Variants in SNAPC4 observed in about 807,000 individuals in gnomAD.
SNAPC4 encodes small nuclear RNA activating complex polypeptide 4.
Under a neutral mutation model 151.3 loss-of-function variants are expected in SNAPC4, and 127 were observed. The ratio of observed to expected loss-of-function variants is 0.84; its 90% CI spans 0.73 to 0.97. The LOEUF (loss-of-function observed/expected upper bound fraction) is 0.97. Ranked by LOEUF, SNAPC4 falls within the 50% of genes least tolerant of loss-of-function variation. The pLI, the probability that SNAPC4 is intolerant of heterozygous loss-of-function variation, is 0.00. For missense variants in SNAPC4, 2,186 were observed against 1,935.0 expected (o/e 1.13, Z -2.43); for synonymous variants, 1,002 against 824.4 (o/e 1.22, Z -3.69).
rs769279388 is a variant in SNAPC4 at position 136,398,456 on chromosome 9, C to T, written c.-9-19G>A. 1 of 1,605,720 alleles carries T rather than the reference C, an allele frequency of 6.2e-7. No individual in the cohort carries two copies. The highest frequency in any genetic ancestry group is 1.3e-5 in the African/African-American group (1 of 74,860). ...CTCCCGCCTGCCTCCAAAACACACC[C>T]CGAGATGTTAGAAACCAAGACCGTG... On this transcript the variant is annotated intron_variant, in intron 1 of 23. Transcript: ENST00000684778.
At chr9:136,392,245 T>C (rs1035797810) in intron 9 of SNAPC4, 139 bp from the exon 10 acceptor site, 17 of 1,101,316 alleles carry the variant, frequency 1.5e-5, no homozygotes, top group Non-Finnish European at 2.3e-5. Context: ...TCCAACTCAC[T>C]AGGCCTTGCA....
intron 19 of SNAPC4, among the ~76,000 whole-genome samples, chr9:136,381,065 G>A (rs901043907): frequency 2.6e-5 from 4 of 152,086 alleles, no homozygotes; most frequent in Admixed American, 6.5e-5. Context: ...CTCCTCCCCC[G>A]GCATCTTCCA....
chr9:136,383,322 G>A lies in SNAPC4; in HGVS notation c.1847C>T (p.Thr616Ile), dbSNP rs202221117. 33 of 1,611,722 alleles carry A rather than the reference G, an allele frequency of 2.0e-5. No individual in the cohort carries two copies. Among genetic ancestry groups the A allele is most frequent in the Admixed American group, 8.3e-5 (5 of 59,908 alleles). Residue 616 changes from threonine to isoleucine, a missense_variant, in exon 16 of 24, where the codon ACC becomes ATC. Coordinates refer to ENST00000684778, the MANE Select transcript of SNAPC4 (RefSeq NM_003086.4). This position sits in a 1 kb window ranked among gnomAD's most constrained non-coding sequence, Gnocchi z 4.2. ...CTCCTCTCCAGGAGCCGCGGCTGTG[G>A]TGGAAGCTTCCTTGCTGCCGCCCTG... ...ASQGGSKEAS[T>I]TAAAPGEETS...
At position 136,387,486 on chromosome 9, in the gene SNAPC4, G is replaced by A. The variant is rs762607492; in HGVS notation, c.1324C>T (p.Arg442Trp). Residue 442 changes from arginine to tryptophan, a missense_variant and splice_region_variant, in exon 13 of 24, where the codon CGG becomes TGG. Arg to Trp is a moderately radical substitution (Grantham distance 101). Coordinates refer to ENST00000684778, the MANE Select transcript of SNAPC4 (RefSeq NM_003086.4). ...PGRSDAQCRD[R>W]YLRRLHFSLK... is the part of the protein sequence containing the mutation. ...CTCGCTCAGCGCTGTGCGACTCACCGATCTCGGCACTGGGCATCGCTCCTA... is the reference window on the plus strand; with the variant it reads ...CTCGCTCAGCGCTGTGCGACTCACCAATCTCGGCACTGGGCATCGCTCCTA... 19 of 1,606,908 alleles carry A rather than the reference G, an allele frequency of 1.2e-5. No homozygotes were observed. The highest frequency in any genetic ancestry group is 4.5e-5 in the East Asian group (2 of 44,834).
At chr9:136,399,968 G>C (rs1422623893) in intron 1 of SNAPC4, among the ~76,000 whole-genome samples, 166 bp downstream of exon 1, 1 of 152,062 alleles carries the variant, frequency 6.6e-6, no homozygotes, top group East Asian at 1.9e-4. Context: ...GCCCAGGCTC[G>C]GCCGGACGGG....
rs781201093 is a variant in SNAPC4, at chr9:136,383,446, C to G, written c.1723G>C (p.Ala575Pro). ...MVPDMDLWVP[A>P]RQSTSQPWRG... The stretch of plus-strand genomic sequence containing the variant: ...CATGGCTGGCTGGTGCTCTGCCTGG[C>G]AGGAACCCACAGGTCCATGTCCGGG... Residue 575 changes from alanine to proline, a missense_variant, in exon 16 of 24, where the codon GCC becomes CCC. Ala to Pro is a conservative substitution (Grantham distance 27). Coordinates refer to ENST00000684778, the MANE Select transcript of SNAPC4 (RefSeq NM_003086.4). This position sits in a 1 kb window ranked among gnomAD's most constrained non-coding sequence, Gnocchi z 4.2. 5.8e-6 allele frequency: 9 copies of G among 1,561,434 alleles called. No individual in the cohort carries two copies. The South Asian group carries it at 1.0e-4, about 18-fold the overall frequency.
In SNAPC4 at chr9:136,377,854, C is replaced by G. The variant is rs1833513938; in HGVS notation, c.3973G>C (p.Glu1325Gln). 6.2e-7 allele frequency: 1 copy of G among 1,611,404 alleles called. No homozygotes were observed. The highest frequency in any genetic ancestry group is 1.1e-5 in the South Asian group (1 of 91,088). Reference protein sequence around the residue: ...SGLLLHKKALEHKATSLVVGG... With the variant: ...SGLLLHKKALQHKATSLVVGG... Reference sequence around the variant, plus strand: ...ACCACCAGGGAGGTGGCCTTGTGCTCCAGGGCCTTCTTGTGGAGTAGGAGA... The same window carrying G: ...ACCACCAGGGAGGTGGCCTTGTGCTGCAGGGCCTTCTTGTGGAGTAGGAGA... Residue 1325 changes from glutamate (E) to glutamine (Q), a missense_variant, in exon 22 of 24, where the codon GAG becomes CAG. Transcript: ENST00000684778.
Position 136,387,811 on chromosome 9 carries a change from C to G in SNAPC4, c.1161G>C (p.Leu387=). The part of the protein sequence containing the change: ...YYMEGRDSMQ[L]IYRWTKSLDP... ...CCAAGCTCTTGGTCCATCGGTAGATCAGCTGCATGGAGTCTCTCCCTTCCA... is the reference window on the plus strand; with the variant it reads ...CCAAGCTCTTGGTCCATCGGTAGATGAGCTGCATGGAGTCTCTCCCTTCCA... Residue 387 remains leucine (L), a synonymous_variant, in exon 12 of 24, where the codon CTG becomes CTC. Transcript: ENST00000684778. 1 of 1,612,238 alleles carries G rather than the reference C, an allele frequency of 6.2e-7. No individual in the cohort carries two copies. Among genetic ancestry groups the G allele is most frequent in the Non-Finnish European group, 8.5e-7 (1 of 1,178,460 alleles).
In SNAPC4 at chr9:136,394,060, G is replaced by A. The variant is rs571710090; in HGVS notation, c.632+189C>T. On this transcript the variant is annotated intron_variant, in intron 7 of 23. Transcript: ENST00000684778. ...AGCCTCCCGAGTAGCTGGGACCACA[G>A]GTGTGCACCACCACACCCAGCTAAT... 3.3e-5 allele frequency among the ~76,000 whole-genome samples: 5 copies of A among 152,336 alleles called. No homozygotes were observed. In the East Asian group the frequency reaches 9.6e-4, roughly 29 times the overall value.
chr9:136,392,028 A>C lies in SNAPC4; in HGVS notation c.889T>G (p.Trp297Gly), dbSNP rs148872349. 1 of 1,611,046 alleles carries C rather than the reference A, an allele frequency of 6.2e-7. No homozygotes were observed. Among genetic ancestry groups the C allele is most frequent in the Non-Finnish European group, 8.5e-7 (1 of 1,179,742 alleles). ...SEHPSINKQEWSREEEERLQA... is the reference protein window; with the variant it reads ...SEHPSINKQEGSREEEERLQA... ...AGCCGCTCCTCCTCCTCCCTGCTCC[A>C]CTCCTGCTTGTTGATGCTGGGGTGC... Residue 297 changes from tryptophan (W) to glycine (G), a missense_variant, in exon 10 of 24, where the codon TGG (tryptophan) becomes GGG (glycine). Coordinates refer to ENST00000684778, the MANE Select transcript of SNAPC4 (RefSeq NM_003086.4).
rs1451395590 is a variant in SNAPC4 at position 136,382,308 on chromosome 9, A to G, written c.2012T>C (p.Val671Ala). ...CCTGAGCACCCTCAGCACGGTCTCC[A>G]CAGGCACTGTCAGCAGACGCCTCCC... The part of the protein sequence containing the change: ...EGGRRLLTVP[V>A]ETVLRVLRAN... The change falls in exon 17 of 24, where the codon GTG (valine) becomes GCG (alanine). Residue 671 changes from valine (V) to alanine (A), a missense_variant. Transcript: ENST00000684778. The G allele has an allele frequency of 5.6e-6, 9 of 1,613,024 alleles. No individual in the cohort carries two copies. The highest frequency in any genetic ancestry group is 7.6e-6 in the Non-Finnish European group (9 of 1,179,958).
At chr9:136,392,848 T>A in intron 7 of SNAPC4, 71 bp from the exon 8 acceptor site, 1 of 1,237,472 alleles carries the variant, frequency 8.1e-7, no homozygotes, top group Non-Finnish European at 1.2e-6. Flanking sequence ...CTCTGCACAT[T>A]ACAGGGCAAG....
rs754808572 is a variant in SNAPC4, at chr9:136,379,875, AAG to A, written c.2500-13_2500-12del. ...GGCACTTGAGGATGCCTGGAAATGA[AAG>A]AGAGGAGAGTCAGCAGCTCAGGTGT... On this transcript the variant is annotated splice_polypyrimidine_tract_variant and intron_variant, in intron 20 of 23. Transcript: ENST00000684778. The A allele has an allele frequency of 2.2e-5, 35 of 1,612,136 alleles. No individual in the cohort carries two copies. The Admixed American group carries it at 3.8e-4, about 18-fold the overall frequency.
intron 2 of SNAPC4, among the ~76,000 whole-genome samples, chr9:136,397,298 T>C (rs571397999): frequency 6.6e-5 from 10 of 152,220 alleles, no homozygotes; most frequent in Admixed American, 4.6e-4. Flanking sequence ...GCACAAGCTA[T>C]CTTTACTGGA....
rs1833597803 is a variant in SNAPC4 at position 136,379,204 on chromosome 9, G to C, written c.2623C>G (p.Leu875Val). Reference sequence around the variant, plus strand: ...GAAGCCAGCAGGGACGCCTGGGGTAGGGTGCGCTCCACCCGGCTGGACGCC... The same window carrying C: ...GAAGCCAGCAGGGACGCCTGGGGTACGGTGCGCTCCACCCGGCTGGACGCC... ...RLASSRVERT[L>V]PQASLLASTG... Residue 875 changes from leucine to valine, a missense_variant, in exon 22 of 24, where the codon CTA becomes GTA. Physicochemically the swap from Leu to Val is conservative, Grantham distance 32. Transcript: ENST00000684778. 4.3e-6 allele frequency: 7 copies of C among 1,609,770 alleles called. No individual in the cohort carries two copies. The highest frequency in any genetic ancestry group is 5.1e-6 in the Non-Finnish European group (6 of 1,178,942).
chr9:136,383,934 G>C lies in SNAPC4; in HGVS notation c.1500+19C>G. 1 of 1,608,320 alleles carries C rather than the reference G, an allele frequency of 6.2e-7. No individual in the cohort carries two copies. The highest frequency in any genetic ancestry group is 8.5e-7 in the Non-Finnish European group (1 of 1,175,416). On this transcript the variant is annotated intron_variant, in intron 15 of 23. Transcript: ENST00000684778. This position sits in a 1 kb window ranked among gnomAD's most constrained non-coding sequence, Gnocchi z 4.2. ...AGGCCATTGTCTGGTTTCAGATAAA[G>C]AAGGAGCGAGTGGCTCACCCCCATC...
intron 5 of SNAPC4, 89 bp from the exon 6 acceptor site, chr9:136,394,967 C>T (rs1365775985): frequency 1.5e-5 from 18 of 1,182,806 alleles, no homozygotes; most frequent in African/African-American, 3.0e-5. Context: ...CAAAAGGACT[C>T]GGGCTCCCCC....
Position 136,378,152 on chromosome 9 carries a change from G to A in SNAPC4, c.3675C>T (p.Pro1225=). 3 of 1,610,464 alleles carry A rather than the reference G, an allele frequency of 1.9e-6. No individual in the cohort carries two copies. Among genetic ancestry groups the A allele is most frequent in the Non-Finnish European group, 2.5e-6 (3 of 1,179,296 alleles). Residue 1225 remains proline (P), a synonymous_variant, in exon 22 of 24, where the codon CCC becomes CCT. Transcript: ENST00000684778. ...GCCCCCTGGGCTCCTGTGTCCCTGA[G>A]GGGGACCCCGGCGTCCCCCTTGGCT... The part of the protein sequence containing the change: ...ATEPRGTPGS[P]SGTQEPRGPL...
In SNAPC4 at chr9:136,391,313, C is replaced by T. The variant is rs536837736; in HGVS notation, c.975+629G>A. Among the ~76,000 whole-genome samples the T allele has an allele frequency of 7.9e-5, 12 of 152,252 alleles. No individual in the cohort carries two copies. The East Asian group carries it at 1.3e-3, about 17-fold the overall frequency. On this transcript the variant is annotated intron_variant, in intron 10 of 23. Transcript: ENST00000684778. The stretch of plus-strand genomic sequence containing the variant: ...TGAAAAATGGAGATTTTATACATCT[C>T]GCCCCTAGTTCATGTTCCAATCAAA...
Sources: allele counts gnomAD v4.1 joint callset (sites outside exome capture counted in the v4.1 genomes callset), GRCh38; gene constraint gnomAD v4.1.1; non-coding constraint Gnocchi (gnomAD v3.1); transcripts MANE v1.5; gene names NCBI Gene and HGNC (gene_info 2026-07-23, HGNC 2026-07-21).